PAICS: variants seen among roughly 807,000 people sequenced by gnomAD.
PAICS encodes the protein bifunctional phosphoribosylaminoimidazole carboxylase/phosphoribosylaminoimidazole succinocarboxamide synthetase.
Under a neutral mutation model 53.7 loss-of-function variants are expected in PAICS, and 33 were observed. The observed-to-expected ratio is 0.61, with a 90% confidence interval of 0.47 to 0.82. The LOEUF is 0.82. PAICS is among the 40% of genes least tolerant of loss of function. The pLI, the probability that PAICS is intolerant of heterozygous loss-of-function variation, is 0.00. For missense variants in PAICS, 394 were observed against 494.1 expected (o/e 0.80, Z 1.92); for synonymous variants, 141 against 167.2 (o/e 0.84, Z 1.21).
chr4:56,428,109 CAA>C, the PAICS span, among the ~76,000 whole-genome samples: 1 of 152,116 alleles, frequency 6.6e-6, no homozygotes, highest in African/African-American at 2.4e-5. Context: ...AATATGGACA[CAA>C]AATTTCTTTT....
At chr4:56,437,322 A>G (rs901953710) in intron 1 of PAICS, among the ~76,000 whole-genome samples, 1 of 149,510 alleles carries the variant, frequency 6.7e-6, no homozygotes, top group Admixed American at 6.7e-5. Flanking sequence ...CTTTGATGCC[A>G]CGATGGCTTT....
chr4:56,446,820 G>A lies in PAICS; in HGVS notation c.340G>A (p.Gly114Ser), dbSNP rs758019237. 37 of 1,610,000 alleles carry A rather than the reference G, an allele frequency of 2.3e-5. No homozygotes were observed. The South Asian group carries it at 3.8e-4, about 16-fold the overall frequency. Residue 114 changes from glycine to serine, a missense_variant, in exon 3 of 9, where the codon GGT becomes AGT. This residue lies in a region of PAICS where 168 missense variants were observed against 199.3 expected (regional missense o/e 0.84). Coordinates refer to ENST00000512576, the MANE Select transcript of PAICS (RefSeq NM_001079524.2). ...TGGTTCTTTTCTCAAAAGAAATCCT[G>A]GTGTCAAGGAAGGATATAAGTTTTA... ...ATGSFLKRNP[G>S]VKEGYKFYPP...
chr4:56,437,138 G>A (rs140535854), intron 1 of PAICS, among the ~76,000 whole-genome samples: 1 of 151,140 alleles, frequency 6.6e-6, no homozygotes, highest in East Asian at 2.0e-4. Context: ...GCGTGTGCGT[G>A]TTTAAGTAGT....
the PAICS span, chr4:56,419,659 T>A: frequency 7.1e-3 from 6,984 of 983,910 alleles, 34 homozygotes; most frequent in Non-Finnish European, 7.3e-3. Flanking sequence ...ACAACTTTTA[T>A]CCCAACTGTA....
chr4:56,451,555 G>A (rs1718918397), intron 6 of PAICS, among the ~76,000 whole-genome samples: 1 of 152,060 alleles, frequency 6.6e-6, no homozygotes, highest in East Asian at 1.9e-4. Context: ...ATTAAACAAA[G>A]TGCACTAAAG....
chr4:56,433,598 G>C (rs1427102706), upstream of PAICS, among the ~76,000 whole-genome samples: 1 of 151,670 alleles, frequency 6.6e-6, no homozygotes, highest in Non-Finnish European at 1.5e-5. Context: ...AGTAAATATA[G>C]TGAAGTACAG....
chr4:56,418,310 C>CTTATT, the PAICS span, among the ~76,000 whole-genome samples: 5 of 151,934 alleles, frequency 3.3e-5, no homozygotes, highest in East Asian at 5.8e-4. Flanking sequence ...TTTTAAAAAA[C>CTTATT]TTATTTTATT....
upstream of PAICS, chr4:56,436,197 C>G (rs562169887): frequency 1.3e-6 from 2 of 1,524,044 alleles, no homozygotes; most frequent in African/African-American, 1.4e-5. Context: ...AAGAGTGGCG[C>G]AGGGTCGCGC....
At chr4:56,444,397 C>T (rs1343184570) in intron 2 of PAICS, among the ~76,000 whole-genome samples, 1 of 152,128 alleles carries the variant, frequency 6.6e-6, no homozygotes, top group African/African-American at 2.4e-5. Flanking sequence ...ACTATAATTA[C>T]ATTAAGTGTA....
chr4:56,419,723 C>T, the PAICS span: 1 of 982,210 alleles, frequency 1.0e-6, no homozygotes, highest in Non-Finnish European at 1.2e-6. Context: ...CTCTAATAGA[C>T]ATCTGGTCTG....
At chr4:56,410,595 G>A in the PAICS span, 39 of 986,048 alleles carry the variant, frequency 4.0e-5, no homozygotes, top group African/African-American at 8.7e-5. Context: ...AAAAATATAC[G>A]AAAACAACTT....
chr4:56,447,421 G>T (rs1718678515), intron 3 of PAICS, among the ~76,000 whole-genome samples: 1 of 152,118 alleles, frequency 6.6e-6, no homozygotes, highest in Admixed American at 6.5e-5. Context: ...GTCATGTAAA[G>T]TTGGGACACT....
intron 2 of PAICS, among the ~76,000 whole-genome samples, chr4:56,445,967 A>C (rs1387486900): frequency 2.6e-5 from 4 of 152,194 alleles, no homozygotes; most frequent in African/African-American, 4.8e-5. Flanking sequence ...AAATCCTGCT[A>C]TACCTAATAC....
rs943671356 is a variant in PAICS at position 56,461,663 on chromosome 4, C to T, written c.*2125C>T. The T allele has an allele frequency of 6.6e-6, 1 of 152,116 alleles. No homozygotes were observed. Among genetic ancestry groups the T allele is most frequent in the Non-Finnish European group, 1.5e-5 (1 of 68,040 alleles). 9.4% of individuals were successfully genotyped at this position (152,116 alleles called of 1,614,324 possible). A position where few individuals can be genotyped will look rare whatever the true frequency, so the allele number is the denominator to read the frequency against. On this transcript the variant is annotated 3_prime_UTR_variant, in exon 9 of 9. Coordinates refer to ENST00000512576, the MANE Select transcript of PAICS (RefSeq NM_001079524.2). ...GAGTAGCTGGGTGCATGTGCTACCACACCCAATTATGAATTTCATCATTAG... is the reference window on the plus strand; with the variant it reads ...GAGTAGCTGGGTGCATGTGCTACCATACCCAATTATGAATTTCATCATTAG...
upstream of PAICS, chr4:56,435,863 C>G: frequency 6.7e-7 from 1 of 1,486,750 alleles, no homozygotes; most frequent in Non-Finnish European, 9.0e-7. Context: ...AACCTCATTT[C>G]TCTTTCAGAG....
chr4:56,429,046 A>AG, the PAICS span: 1 of 600,776 alleles, frequency 1.7e-6, no homozygotes, highest in Non-Finnish European at 2.1e-6. Context: ...ACACAGTGGA[A>AG]ACAACTTGTT....
chr4:56,450,023 G>C (rs1718825805), intron 5 of PAICS, among the ~76,000 whole-genome samples: 1 of 151,862 alleles, frequency 6.6e-6, no homozygotes, highest in African/African-American at 2.4e-5. Flanking sequence ...CCTTTGCAGG[G>C]AAATGGATTC....
chr4:56,452,151 T>C, intron 7 of PAICS, 99 bp downstream of exon 7: 9 of 787,618 alleles, frequency 1.1e-5, no homozygotes, highest in Non-Finnish European at 1.0e-5. Flanking sequence ...GCTTTGTCAG[T>C]TTTCTAAGGG....
chr4:56,419,563 C>A, the PAICS span: 1 of 525,794 alleles, frequency 1.9e-6, no homozygotes, highest in Non-Finnish European at 2.4e-6. Context: ...AATTATTTAC[C>A]TTGTCTGATG....
Sources: allele counts gnomAD v4.1 joint callset (sites outside exome capture counted in the v4.1 genomes callset), GRCh38; gene constraint gnomAD v4.1.1; regional missense constraint gnomAD v4.1.1; transcripts MANE v1.5; gene names NCBI Gene and HGNC (gene_info 2026-07-23, HGNC 2026-07-21).